MAP2: variants seen among roughly 807,000 people sequenced by gnomAD.
The protein encoded by MAP2 is microtubule-associated protein 2.
Under a neutral mutation model 137.6 loss-of-function variants are expected in MAP2, and 14 were observed. That is an observed-to-expected ratio of 0.10 (90% CI 0.07 to 0.16). MAP2 has a LOEUF of 0.16. Ranked by LOEUF, MAP2 falls within the 10% of genes least tolerant of loss-of-function variation. The pLI, the probability that MAP2 is intolerant of heterozygous loss-of-function variation, is 1.00. For synonymous variants in MAP2, 786 were observed against 782.3 expected, an observed-to-expected ratio of 1.00 and a Z score of -0.08; for missense variants, 2,088 against 2,191.5, an observed-to-expected ratio of 0.95 and a Z score of 0.94.
intron 11 of MAP2, chr2:209,703,965 TTTTTA>T (rs756731159): frequency 9.2e-5 from 42 of 455,336 alleles, no homozygotes; most frequent in Non-Finnish European, 1.6e-4. Context: ...TATAACAGAT[TTTTTA>T]TTTTATTTTT....
chr2:209,497,908 C>T (rs143676258), intron 1 of MAP2, among the ~76,000 whole-genome samples: 59 of 152,312 alleles, frequency 3.9e-4, no homozygotes, highest in Middle Eastern at 3.4e-3. Context: ...AATATGAAAA[C>T]TATATCATCC....
intron 3 of MAP2, among the ~76,000 whole-genome samples, chr2:209,607,425 A>G (rs933410120): frequency 2.6e-5 from 4 of 151,996 alleles, no homozygotes; most frequent in Non-Finnish European, 4.4e-5. Context: ...TTAATGTTTC[A>G]TTTGTTTGTT....
At chr2:209,579,750 G>T (rs577621731) in intron 2 of MAP2, 15 of 152,152 alleles carry the variant, frequency 9.9e-5, no homozygotes, top group Non-Finnish European at 2.1e-4. Context: ...TGCTGCATAT[G>T]CGCTGGTAAT....
At chr2:209,564,114 C>T (rs1001458550) in intron 2 of MAP2, among the ~76,000 whole-genome samples, 4 of 150,248 alleles carry the variant, frequency 2.7e-5, no homozygotes, top group Non-Finnish European at 4.4e-5. Context: ...TATTACCGAT[C>T]GCAGCTAATG....
chr2:209,704,760 A>G, intron 11 of MAP2: 1 of 667,546 alleles, frequency 1.5e-6, no homozygotes, highest in African/African-American at 1.9e-5. Context: ...GGCCCTTTTA[A>G]AAACAAATAC....
At chr2:209,462,841 A>G (rs1180529819) in intron 1 of MAP2, among the ~76,000 whole-genome samples, 1 of 152,196 alleles carries the variant, frequency 6.6e-6, no homozygotes, top group Non-Finnish European at 1.5e-5. Flanking sequence ...AAATTCTAAC[A>G]TTCTCCACTT....
At chr2:209,447,309 A>G (rs990031065) in intron 1 of MAP2, among the ~76,000 whole-genome samples, 23 of 152,018 alleles carry the variant, frequency 1.5e-4, no homozygotes, top group Admixed American at 5.3e-4. Context: ...CCACTTTCAC[A>G]GAACTACCAA....
chr2:209,720,563 C>T (rs1430642527), intron 13 of MAP2, among the ~76,000 whole-genome samples: 1 of 149,138 alleles, frequency 6.7e-6, no homozygotes, highest in Non-Finnish European at 1.5e-5. Flanking sequence ...GGCGTGAACC[C>T]GGGAGGCGGA....
intron 2 of MAP2, among the ~76,000 whole-genome samples, chr2:209,510,086 G>A (rs2061548956): frequency 6.7e-6 from 1 of 149,906 alleles, no homozygotes; most frequent in Non-Finnish European, 1.5e-5. Context: ...ATTTGGCATT[G>A]ATTCTCAGCA....
At chr2:209,571,344 T>C (rs1268314830) in intron 2 of MAP2, among the ~76,000 whole-genome samples, 1 of 151,980 alleles carries the variant, frequency 6.6e-6, no homozygotes, top group African/African-American at 2.4e-5. Context: ...ATCTTCCAAG[T>C]CAATACAGTC....
At chr2:209,519,466 A>G (rs1220446313) in intron 2 of MAP2, among the ~76,000 whole-genome samples, 1 of 152,054 alleles carries the variant, frequency 6.6e-6, no homozygotes, top group Non-Finnish European at 1.5e-5. Flanking sequence ...CTACCCTCCC[A>G]TAGGAACTGG....
intron 1 of MAP2, among the ~76,000 whole-genome samples, chr2:209,504,613 A>AT (rs2060806481): frequency 6.6e-6 from 1 of 152,226 alleles, no homozygotes; most frequent in South Asian, 2.1e-4. Context: ...ATGAGACACC[A>AT]TGCAAGATCC....
intron 2 of MAP2, among the ~76,000 whole-genome samples, chr2:209,563,775 T>C (rs1277746722): frequency 1.3e-5 from 2 of 152,260 alleles, no homozygotes; most frequent in Non-Finnish European, 2.9e-5. Flanking sequence ...TGAAGTAATG[T>C]ACTTTCATCT....
chr2:209,432,221 A>C (rs1274115407), intron 1 of MAP2, among the ~76,000 whole-genome samples: 2 of 152,140 alleles, frequency 1.3e-5, no homozygotes, highest in Non-Finnish European at 2.9e-5. Flanking sequence ...TTTAGCTAAG[A>C]AGAAGTAAGC....
intron 1 of MAP2, among the ~76,000 whole-genome samples, chr2:209,497,598 CAT>C (rs1410941606): frequency 1.3e-5 from 2 of 152,154 alleles, no homozygotes; most frequent in African/African-American, 2.4e-5. Flanking sequence ...ATACAGGAAA[CAT>C]AGTGCTGGCA....
At chr2:209,677,059 C>G (rs2052140888) in intron 5 of MAP2, among the ~76,000 whole-genome samples, 1 of 151,506 alleles carries the variant, frequency 6.6e-6, no homozygotes, top group South Asian at 2.1e-4. Flanking sequence ...AGGAGCCCAG[C>G]CTTTCAGAGA....
chr2:209,599,041 T>C (rs1037414614), intron 3 of MAP2, among the ~76,000 whole-genome samples: 1 of 152,114 alleles, frequency 6.6e-6, no homozygotes, highest in African/African-American at 2.4e-5. Context: ...CCACAATGGT[T>C]GAACTAGTTT....
intron 2 of MAP2, among the ~76,000 whole-genome samples, chr2:209,569,235 A>T (rs1417405587): frequency 6.6e-6 from 1 of 151,828 alleles, no homozygotes; most frequent in Admixed American, 6.6e-5. Flanking sequence ...GTTTTATCTC[A>T]TGATTTCTGA....
In MAP2 at chr2:209,695,141, G is replaced by A. The variant is rs35927101; in HGVS notation, c.2971G>A (p.Gly991Arg). 0.031 allele frequency: 50,271 copies of A among 1,614,060 alleles called. 937 individuals carry two copies. The highest frequency in any genetic ancestry group is 0.037 in the Non-Finnish European group (43,201 of 1,180,004). Residue 991 changes from glycine (G) to arginine (R), a missense_variant, in exon 8 of 16, where the codon GGA (glycine) becomes AGA (arginine). Coordinates refer to ENST00000682079, the MANE Select transcript of MAP2 (RefSeq NM_001375505.1). ...EEAGDEIETF[G>R]LGVTYEQALA... ...GGCTGGTGATGAAATAGAAACATTC[G>A]GATTAGGAGTAACCTATGAGCAAGC...
Sources: gnomAD v4.1 joint callset for allele counts (sites outside exome capture counted in the v4.1 genomes callset) on GRCh38, gnomAD v4.1.1 for gene constraint, MANE v1.5 for transcripts, NCBI Gene and HGNC (gene_info 2026-07-23, HGNC 2026-07-21) for gene names.